Variants in HSF1 observed in about 807,000 individuals in gnomAD.
The protein encoded by HSF1 is heat shock factor protein 1.
A neutral mutation model predicts 51.7 loss-of-function variants in HSF1; 32 were observed. The ratio of observed to expected loss-of-function variants is 0.62; its 90% CI spans 0.47 to 0.83. HSF1 has a LOEUF of 0.83. HSF1 is among the 40% of genes least tolerant of loss of function. HSF1 has a pLI of 0.00. For synonymous variants in HSF1, 396 were observed against 309.7 expected (o/e 1.28, Z -2.92); for missense variants, 727 against 717.0 (o/e 1.01, Z -0.16).
Position 144,313,508 on chromosome 8 carries a change from C to T in HSF1, c.1143-3C>T, listed in dbSNP as rs1554845469. ...GTTCAGGTACCGCCTTATCCCGGGC[C>T]AGGAATGAGCTCAGTGACCACTTGG... On this transcript the variant is annotated splice_polypyrimidine_tract_variant and splice_region_variant and intron_variant, in intron 9 of 12. Coordinates refer to ENST00000528838, the MANE Select transcript of HSF1 (RefSeq NM_005526.4). The T allele has an allele frequency of 6.2e-7, 1 of 1,603,442 alleles. No individual in the cohort carries two copies. Among genetic ancestry groups the T allele is most frequent in the Non-Finnish European group, 8.5e-7 (1 of 1,171,414 alleles).
intron 1 of HSF1, among the ~76,000 whole-genome samples, chr8:144,292,990 T>C (rs1207361688): frequency 6.6e-6 from 1 of 152,120 alleles, no homozygotes; most frequent in Non-Finnish European, 1.5e-5. Context: ...CCACTGATCA[T>C]TGGGAGCTTT....
intron 1 of HSF1, among the ~76,000 whole-genome samples, chr8:144,303,054 G>T (rs1441419410): frequency 6.6e-6 from 1 of 152,066 alleles, no homozygotes; most frequent in Non-Finnish European, 1.5e-5. Flanking sequence ...TTGGAAAGCA[G>T]CTTGGGAGTT....
intron 9 of HSF1, chr8:144,312,482 C>T (rs551684780): frequency 4.5e-5 from 35 of 770,934 alleles, no homozygotes; most frequent in Non-Finnish European, 6.2e-5. Context: ...CTCAGCCACC[C>T]GTCCTGCTGC....
intron 1 of HSF1, among the ~76,000 whole-genome samples, chr8:144,293,257 G>A (rs1554840717): frequency 6.6e-6 from 1 of 152,198 alleles, no homozygotes; most frequent in Admixed American, 6.5e-5. Context: ...GCTCTTGTTA[G>A]AAACACTTTG....
Position 144,314,236 on chromosome 8 carries a change from A to G in HSF1, c.1496A>G (p.Tyr499Cys). The part of the protein sequence containing the change: ...PVLFELGEGS[Y>C]FSEGDGFAED... ...CTGTTTGAGCTGGGAGAGGGCTCCT[A>G]CTTCTCCGAAGGGGACGGCTTCGCC... The change falls in exon 13 of 13, where the codon TAC becomes TGC. Residue 499 changes from tyrosine (Y) to cysteine (C), a missense_variant. By Grantham distance (194) the Tyr-to-Cys change is radical. Transcript: ENST00000528838. The G allele has an allele frequency of 1.3e-6, 2 of 1,550,224 alleles. No homozygotes were observed. The highest frequency in any genetic ancestry group is 2.4e-5 in the South Asian group (2 of 84,058).
At position 144,297,506 on chromosome 8, in the gene HSF1, C is replaced by T. The variant is rs1554841486; in HGVS notation, c.117+5632C>T. On this transcript the variant is annotated intron_variant, in intron 1 of 12. Transcript: ENST00000528838. This position sits in a 1 kb window ranked among gnomAD's most constrained non-coding sequence, Gnocchi z 4.6. ...AAGAAGAGTGTTTATGAGAAAGGTG[C>T]GGGTGGCTCAGATGTGGACAGAACC... Among the ~76,000 whole-genome samples, 5 of 152,170 alleles carry T rather than the reference C, an allele frequency of 3.3e-5. No homozygotes were observed. The highest frequency in any genetic ancestry group is 7.2e-5 in the African/African-American group (3 of 41,426).
chr8:144,305,269 T>C (rs1465371752), intron 1 of HSF1, among the ~76,000 whole-genome samples: 5 of 151,874 alleles, frequency 3.3e-5, no homozygotes, highest in African/African-American at 1.2e-4. Flanking sequence ...TTGTGGTGTC[T>C]CACAGGTCTC....
chr8:144,305,723 A>AT (rs146075122), intron 1 of HSF1, among the ~76,000 whole-genome samples: 2,563 of 78,532 alleles, frequency 0.033, 503 homozygotes, highest in African/African-American at 0.096. Context: ...CCTCTGGTTA[A>AT]TTTTTTTTTT....
chr8:144,307,824 C>G (rs1174472852), intron 1 of HSF1, among the ~76,000 whole-genome samples: 2 of 152,142 alleles, frequency 1.3e-5, no homozygotes, highest in African/African-American at 4.8e-5. Flanking sequence ...ACTGTTCTTA[C>G]TAAGATTCAG....
At chr8:144,308,752 C>T (rs1816396560) in intron 1 of HSF1, among the ~76,000 whole-genome samples, 154 bp from the exon 2 acceptor site, 1 of 152,204 alleles carries the variant, frequency 6.6e-6, no homozygotes, top group Admixed American at 6.5e-5. Context: ...AACGAACTCG[C>T]CTCCCGCCAG....
intron 1 of HSF1, among the ~76,000 whole-genome samples, chr8:144,294,612 G>A (rs1178202428): frequency 1.3e-5 from 2 of 152,268 alleles, no homozygotes; most frequent in Non-Finnish European, 2.9e-5. Context: ...AATGGGACCA[G>A]GTCTGGACCA....
rs371469057 is a variant in HSF1 at position 144,311,754 on chromosome 8, A to G, written c.778A>G (p.Ser260Gly). ...CCTCTACGCCCCTGATGCTGTGGCC[A>G]GCTCTGGACCCATCATCTCCGACAT... The part of the protein sequence containing the change: ...SSLYAPDAVA[S>G]SGPIISDITE... Residue 260 changes from serine to glycine, a missense_variant, in exon 8 of 13, where the codon AGC (serine) becomes GGC (glycine). Ser to Gly is a moderately conservative substitution (Grantham distance 56). This residue lies in a region of HSF1 where 470 missense variants were observed against 398.8 expected (regional missense o/e 1.18). Transcript: ENST00000528838. 1.6e-5 allele frequency: 25 copies of G among 1,612,584 alleles called. No homozygotes were observed. Among genetic ancestry groups the G allele is most frequent in the African/African-American group, 6.7e-5 (5 of 74,834 alleles).
intron 9 of HSF1, chr8:144,313,030 G>A: frequency 2.1e-6 from 1 of 478,180 alleles, no homozygotes; most frequent in Non-Finnish European, 3.8e-6. Flanking sequence ...ACCCAGCCTG[G>A]CTGTCCGTCC....
chr8:144,296,564 T>C (rs1815473763), intron 1 of HSF1, among the ~76,000 whole-genome samples: 1 of 152,048 alleles, frequency 6.6e-6, no homozygotes, highest in Admixed American at 6.6e-5. Context: ...TTTGGGAGGC[T>C]GAGGTGGGCG....
intron 4 of HSF1, 153 bp downstream of exon 4, chr8:144,310,049 C>T (rs759371409): frequency 5.4e-6 from 5 of 927,618 alleles, no homozygotes; most frequent in Non-Finnish European, 4.7e-6. Flanking sequence ...GCCCCAGCCC[C>T]GCCGCCCGTG....
In HSF1 at chr8:144,312,257, C is replaced by T. The variant is rs782155041; in HGVS notation, c.1142+13C>T. 6.4e-7 allele frequency: 1 copy of T among 1,564,514 alleles called. No homozygotes were observed. The highest frequency in any genetic ancestry group is 8.7e-7 in the Non-Finnish European group (1 of 1,154,008). ...CCTGCCTGGACAAGTGAGTGCCGCC[C>T]ACCCCTGGCCCCACCCACAGCGCCT... is the stretch of plus-strand genomic sequence containing the variant. On this transcript the variant is annotated intron_variant, in intron 9 of 12. Transcript: ENST00000528838.
intron 1 of HSF1, among the ~76,000 whole-genome samples, chr8:144,305,285 C>T (rs1451305968): frequency 6.6e-6 from 1 of 151,300 alleles, no homozygotes; most frequent in Non-Finnish European, 1.5e-5. Flanking sequence ...GTCTCTGAGG[C>T]TCTGCTCATT....
Position 144,311,972 on chromosome 8 carries a change from C to T in HSF1, c.870C>T (p.Ser290=). The stretch of plus-strand genomic sequence containing the variant: ...CCCCCCTCGTGTGCAGGCCCCTATC[C>T]AGCAGCCCCCTGGTGCGTGTCAAGG... The part of the protein sequence containing the change: ...PGGSIDERPL[S]SSPLVRVKEE... Residue 290 remains serine (S), a synonymous_variant, in exon 9 of 13, where the codon TCC becomes TCT. Transcript: ENST00000528838. 1.3e-6 allele frequency: 2 copies of T among 1,588,042 alleles called. No homozygotes were observed. The highest frequency in any genetic ancestry group is 1.7e-4 in the Middle Eastern group (1 of 5,888).
chr8:144,312,611 G>A (rs1816757465), intron 9 of HSF1: 4 of 1,534,356 alleles, frequency 2.6e-6, no homozygotes, highest in African/African-American at 2.7e-5. Context: ...GGGGGCTCTT[G>A]TTTTTGTATC....
Sources: allele counts gnomAD v4.1 joint callset (sites outside exome capture counted in the v4.1 genomes callset), GRCh38; gene constraint gnomAD v4.1.1; regional missense constraint gnomAD v4.1.1; non-coding constraint Gnocchi (gnomAD v3.1); transcripts MANE v1.5; gene names NCBI Gene and HGNC (gene_info 2026-07-23, HGNC 2026-07-21).